The following OXR1 variants were observed in gnomAD, a reference collection of about 807,000 sequenced individuals.
The protein encoded by OXR1 is oxidation resistance protein 1.
OXR1 carries 41 observed loss-of-function variants against 104.6 expected under a neutral mutation model. The observed-to-expected ratio is 0.39, with a 90% CI of 0.31 to 0.51. The LOEUF (loss-of-function observed/expected upper bound fraction) is 0.51. Among genes scored for constraint, OXR1 ranks in the 20% least tolerant of loss-of-function variants. The pLI is 0.77. For synonymous variants in OXR1, 348 were observed against 348.4 expected (o/e 1.00, Z 0.01); for missense variants, 955 against 1,031.9 (o/e 0.93, Z 1.02).
At chr8:106,560,643 A>T (rs1816607860) in intron 3 of OXR1, among the ~76,000 whole-genome samples, 1 of 152,196 alleles carries the variant, frequency 6.6e-6, no homozygotes, top group South Asian at 2.1e-4. Context: ...CAACAAGTAG[A>T]TCCCACTCTC....
At chr8:106,343,306 T>C (rs1815332764) in intron 1 of OXR1, among the ~76,000 whole-genome samples, 1 of 152,220 alleles carries the variant, frequency 6.6e-6, no homozygotes, top group African/African-American at 2.4e-5. Flanking sequence ...TATATAATAC[T>C]TTGTCATTTC....
intron 8 of OXR1, among the ~76,000 whole-genome samples, chr8:106,705,321 G>C (rs1359540206): frequency 2.6e-5 from 4 of 152,034 alleles, no homozygotes; most frequent in Non-Finnish European, 4.4e-5. Flanking sequence ...AGATACAAAG[G>C]CAGCAGAGAT....
intron 2 of OXR1, among the ~76,000 whole-genome samples, chr8:106,420,112 T>G (rs1341249625): frequency 6.6e-6 from 1 of 152,088 alleles, no homozygotes; most frequent in African/African-American, 2.4e-5. Context: ...GGAAAAATAT[T>G]TATTATAGGA....
At chr8:106,735,212 C>CTT (rs200691150) in intron 11 of OXR1, among the ~76,000 whole-genome samples, 1 of 145,580 alleles carries the variant, frequency 6.9e-6, no homozygotes. Flanking sequence ...AACTCACAGA[C>CTT]TTTTTTTTTT....
chr8:106,415,208 T>C (rs1026053257), intron 2 of OXR1, among the ~76,000 whole-genome samples: 1 of 152,164 alleles, frequency 6.6e-6, no homozygotes, highest in Non-Finnish European at 1.5e-5. Context: ...AAATCTCTCA[T>C]CCTTGTAAAT....
At chr8:106,584,493 C>G (rs956429947) in intron 3 of OXR1, among the ~76,000 whole-genome samples, 1 of 151,990 alleles carries the variant, frequency 6.6e-6, no homozygotes, top group Non-Finnish European at 1.5e-5. Context: ...AGAAAAGATT[C>G]TTAAATCATG....
intron 3 of OXR1, among the ~76,000 whole-genome samples, chr8:106,540,176 C>T (rs183014003): frequency 2.6e-4 from 40 of 151,994 alleles, no homozygotes; most frequent in African/African-American, 8.4e-4. Context: ...AGTGACATAG[C>T]AAGCCAAAAA....
chr8:106,649,760 G>C (rs1968804), intron 3 of OXR1, among the ~76,000 whole-genome samples: 21,081 of 151,766 alleles, frequency 0.14, 1,729 homozygotes, highest in East Asian at 0.34. Context: ...GCAGTGGCGC[G>C]GTCTCGGCTC....
In OXR1 at chr8:106,396,094, C is replaced by A. The variant is rs62527975; in HGVS notation, c.23+36458C>A. Among the ~76,000 whole-genome samples, 176 of 91,062 alleles carry A rather than the reference C, an allele frequency of 1.9e-3. 1 individual carries two copies. The highest frequency in any genetic ancestry group is 6.4e-3 in the African/African-American group (164 of 25,636). The allele number at this position is 91,062 out of a possible 152,430, so 59.7% of individuals were successfully genotyped here. ...ATATAAATACATACATACATACATA[C>A]ATACATACATAAATACATAAATAAA... On this transcript the variant is annotated intron_variant, in intron 2 of 16. Coordinates refer to ENST00000517566, the MANE Select transcript of OXR1 (RefSeq NM_001198533.2).
At chr8:106,353,291 G>A (rs1586558243) in intron 1 of OXR1, among the ~76,000 whole-genome samples, 1 of 152,152 alleles carries the variant, frequency 6.6e-6, no homozygotes, top group African/African-American at 2.4e-5. Context: ...GGAGGTTGCA[G>A]TGAGTCGAGA....
At chr8:106,517,494 A>G (rs1812938267) in intron 2 of OXR1, among the ~76,000 whole-genome samples, 1 of 152,208 alleles carries the variant, frequency 6.6e-6, no homozygotes, top group Non-Finnish European at 1.5e-5. Flanking sequence ...TGGTTAACAC[A>G]TAAAAATACA....
chr8:106,618,624 T>C (rs567504520), intron 3 of OXR1, among the ~76,000 whole-genome samples: 1 of 152,334 alleles, frequency 6.6e-6, no homozygotes, highest in East Asian at 1.9e-4. Flanking sequence ...AAGATTTCCA[T>C]GTTGCCTTAC....
intron 1 of OXR1, among the ~76,000 whole-genome samples, chr8:106,347,731 T>C (rs1215050353): frequency 1.3e-5 from 2 of 152,228 alleles, no homozygotes; most frequent in African/African-American, 4.8e-5. Flanking sequence ...TTATATTTTA[T>C]GTGACTATTA....
chr8:106,684,423 T>C (rs1316646639), intron 6 of OXR1, 64 bp downstream of exon 6: 6 of 805,672 alleles, frequency 7.4e-6, no homozygotes, highest in African/African-American at 6.8e-5. Context: ...ATTGACTGTC[T>C]TGTTTTTTAC....
chr8:106,638,673 G>A (rs868486136), intron 3 of OXR1, among the ~76,000 whole-genome samples: 3 of 152,254 alleles, frequency 2.0e-5, no homozygotes, highest in Middle Eastern at 3.4e-3. Flanking sequence ...GGCCGAGGTG[G>A]GCAGATCACC....
intron 3 of OXR1, chr8:106,581,269 T>A (rs1426052343): frequency 5.5e-6 from 7 of 1,282,432 alleles, no homozygotes; most frequent in Admixed American, 2.3e-5. Context: ...TCTGAAATCA[T>A]GCCTTTCTAT....
chr8:106,707,190 G>T, intron 9 of OXR1, 45 bp downstream of exon 9: 1 of 1,569,228 alleles, frequency 6.4e-7, no homozygotes, highest in South Asian at 1.1e-5. Context: ...CAATTGTATG[G>T]TGTCTCCGTC....
intron 2 of OXR1, among the ~76,000 whole-genome samples, chr8:106,451,208 A>ATACTCTG (rs979211642): frequency 6.6e-6 from 1 of 152,190 alleles, no homozygotes; most frequent in East Asian, 1.9e-4. Context: ...TTTCATGTTG[A>ATACTCTG]TACTCTGAAC....
chr8:106,561,491 A>C (rs1173133090), intron 3 of OXR1, among the ~76,000 whole-genome samples: 1 of 152,150 alleles, frequency 6.6e-6, no homozygotes, highest in East Asian at 1.9e-4. Context: ...GCTTATAGAT[A>C]AAACTCCCAT....
Sources: gnomAD v4.1 joint callset for allele counts (sites outside exome capture counted in the v4.1 genomes callset) on GRCh38, gnomAD v4.1.1 for gene constraint, MANE v1.5 for transcripts, NCBI Gene and HGNC (gene_info 2026-07-23, HGNC 2026-07-21) for gene names.